The following DMXL1 variants were observed in gnomAD, a reference collection of about 807,000 sequenced individuals.
DMXL1 encodes the protein dmX-like protein 1.
In DMXL1, 99 loss-of-function variants were observed where a neutral mutation model predicts 319.2. That is an observed-to-expected ratio of 0.31 (90% CI 0.26 to 0.37). The LOEUF (loss-of-function observed/expected upper bound fraction) is 0.37. Among genes scored for constraint, DMXL1 ranks in the 10% least tolerant of loss-of-function variants. The pLI, the probability that DMXL1 is intolerant of heterozygous loss-of-function variation, is 1.00. For missense variants in DMXL1, 3,745 were observed against 3,595.6 expected (o/e 1.04, Z -1.06); for synonymous variants, 1,385 against 1,235.2 (o/e 1.12, Z -2.54).
rs139670698 is a variant in DMXL1 at position 119,211,407 on chromosome 5, A to G, written c.7926+4511A>G. Among the ~76,000 whole-genome samples the G allele has an allele frequency of 2.7e-4, 41 of 152,292 alleles. No homozygotes were observed. The East Asian group carries it at 6.4e-3, about 24-fold the overall frequency. ...TAATTTCTTTAACAGATGTAGGGCA[A>G]TTCAGGTTTATCTATTTCTTAAGTC... is the stretch of plus-strand genomic sequence containing the variant. On this transcript the variant is annotated intron_variant, in intron 34 of 43. Coordinates refer to ENST00000539542, the MANE Select transcript of DMXL1 (RefSeq NM_001290321.3).
chr5:119,165,366 C>T, intron 21 of DMXL1, 86 bp downstream of exon 21: 1 of 695,832 alleles, frequency 1.4e-6, no homozygotes, highest in Non-Finnish European at 2.4e-6. Context: ...ATTTGTTGTT[C>T]TTGTTGATGT....
intron 3 of DMXL1, among the ~76,000 whole-genome samples, chr5:119,103,932 G>A (rs1053286826): frequency 6.6e-6 from 1 of 152,088 alleles, no homozygotes; most frequent in African/African-American, 2.4e-5. Context: ...CTCAAAAAGA[G>A]GCTGGTTTAT....
At chr5:119,137,333 GA>G (rs753660615) in intron 13 of DMXL1, among the ~76,000 whole-genome samples, 13 of 152,224 alleles carry the variant, frequency 8.5e-5, no homozygotes, top group Non-Finnish European at 1.8e-4. Context: ...ACTTGCTTTT[GA>G]TTTTACAGGC....
In DMXL1 at chr5:119,170,664, T is replaced by A; in HGVS notation, c.5873T>A (p.Val1958Glu). The A allele has an allele frequency of 6.2e-7, 1 of 1,613,740 alleles. No individual in the cohort carries two copies. Among genetic ancestry groups the A allele is most frequent in the Non-Finnish European group, 8.5e-7 (1 of 1,179,900 alleles). ...LSFDWSQPSV[V>E]FQDDSLELKW... ...TTTGACTGGAGCCAACCAAGTGTTGTGTTTCAGGATGACTCTTTAGAGTTA... is the reference window on the plus strand; with the variant it reads ...TTTGACTGGAGCCAACCAAGTGTTGAGTTTCAGGATGACTCTTTAGAGTTA... Residue 1958 changes from valine to glutamate, a missense_variant, in exon 24 of 44, where the codon GTG (valine) becomes GAG (glutamate). Val to Glu is a moderately radical substitution (Grantham distance 121, BLOSUM62 -2). Transcript: ENST00000539542.
intron 13 of DMXL1, among the ~76,000 whole-genome samples, chr5:119,135,214 T>C (rs1016839803): frequency 6.6e-6 from 1 of 152,210 alleles, no homozygotes; most frequent in South Asian, 2.1e-4. Flanking sequence ...TTTTAAGTAA[T>C]GGGAATTTAG....
chr5:119,225,403 G>T (rs1256702358), intron 38 of DMXL1, among the ~76,000 whole-genome samples: 4 of 151,836 alleles, frequency 2.6e-5, no homozygotes, highest in Non-Finnish European at 1.5e-5. Context: ...TATTGATTCT[G>T]GTGGGTTGGA....
chr5:119,169,323 G>T (rs143810336), intron 23 of DMXL1, among the ~76,000 whole-genome samples: 1 of 152,304 alleles, frequency 6.6e-6, no homozygotes, highest in East Asian at 1.9e-4. Context: ...GCTTGGACCA[G>T]AATGATTGGA....
At chr5:119,184,990 A>G (rs1341352700) in intron 28 of DMXL1, among the ~76,000 whole-genome samples, 2 of 152,208 alleles carry the variant, frequency 1.3e-5, no homozygotes, top group Non-Finnish European at 2.9e-5. Flanking sequence ...TACCTTATCC[A>G]TAAAACATGC....
intron 1 of DMXL1, among the ~76,000 whole-genome samples, chr5:119,082,089 A>G (rs969509963): frequency 2.7e-5 from 4 of 150,884 alleles, no homozygotes; most frequent in Admixed American, 6.6e-5. Context: ...AGAATGTTTT[A>G]TAAAATCAAT....
At chr5:119,127,803 AT>A in intron 9 of DMXL1, 1 of 265,068 alleles carries the variant, frequency 3.8e-6, no homozygotes. Flanking sequence ...CATATATTTA[AT>A]TTTATGTTCT....
chr5:119,136,031 C>G (rs938689977), intron 13 of DMXL1, among the ~76,000 whole-genome samples: 3 of 152,194 alleles, frequency 2.0e-5, no homozygotes, highest in South Asian at 2.1e-4. Flanking sequence ...TTCCTAGAGA[C>G]TTGTTGAATG....
intron 28 of DMXL1, among the ~76,000 whole-genome samples, chr5:119,186,017 T>G (rs1226271431): frequency 2.0e-5 from 3 of 152,230 alleles, no homozygotes; most frequent in African/African-American, 7.2e-5. Flanking sequence ...AACATATACC[T>G]CTTAGGAGAC....
At chr5:119,096,237 C>T (rs924192274) in intron 1 of DMXL1, among the ~76,000 whole-genome samples, 7 of 149,286 alleles carry the variant, frequency 4.7e-5, no homozygotes, top group African/African-American at 1.2e-4. Context: ...AGTGCAGTGG[C>T]GCGATCTCAG....
chr5:119,099,947 G>C (rs1465019774), intron 2 of DMXL1, among the ~76,000 whole-genome samples: 1 of 152,140 alleles, frequency 6.6e-6, no homozygotes, highest in Non-Finnish European at 1.5e-5. Context: ...GCTGCAGTCA[G>C]CTCTGGTGGC....
chr5:119,166,585 A>G, intron 21 of DMXL1, 31 bp from the exon 22 acceptor site: 1 of 1,575,960 alleles, frequency 6.3e-7, no homozygotes, highest in Non-Finnish European at 8.6e-7. Flanking sequence ...TTGTATTCCA[A>G]AATTTTCACA....
intron 10 of DMXL1, among the ~76,000 whole-genome samples, chr5:119,130,792 G>A (rs1296016054): frequency 2.0e-5 from 3 of 151,944 alleles, no homozygotes; most frequent in Non-Finnish European, 4.4e-5. Context: ...CATTATTCTA[G>A]GTACAATGAC....
intron 37 of DMXL1, among the ~76,000 whole-genome samples, chr5:119,222,720 A>C (rs1315003030): frequency 6.6e-6 from 1 of 152,144 alleles, no homozygotes; most frequent in Non-Finnish European, 1.5e-5. Flanking sequence ...TTAAATAACA[A>C]GTCATTAATA....
chr5:119,115,819 GTGT>G (rs1760720709), intron 6 of DMXL1, among the ~76,000 whole-genome samples: 1 of 151,914 alleles, frequency 6.6e-6, no homozygotes, highest in African/African-American at 2.4e-5. Context: ...TCTGCTAGTG[GTGT>G]TGATTACTTA....
At chr5:119,194,736 A>G (rs1245433425) in intron 30 of DMXL1, among the ~76,000 whole-genome samples, 2 of 152,170 alleles carry the variant, frequency 1.3e-5, no homozygotes, top group Non-Finnish European at 2.9e-5. Context: ...GCACAACTCA[A>G]CAACAAAAAG....
Sources: allele counts gnomAD v4.1 joint callset (sites outside exome capture counted in the v4.1 genomes callset), GRCh38; gene constraint gnomAD v4.1.1; transcripts MANE v1.5; gene names NCBI Gene and HGNC (gene_info 2026-07-23, HGNC 2026-07-21).